Variants in LPP observed in about 807,000 individuals in gnomAD.
The protein encoded by LPP is lipoma-preferred partner.
A neutral mutation model predicts 60.4 loss-of-function variants in LPP; 38 were observed. The ratio of observed to expected loss-of-function variants is 0.63; its 90% CI spans 0.49 to 0.83. The LOEUF is 0.83. LPP is among the 40% of genes least tolerant of loss of function. LPP has a pLI of 0.00. For missense variants in LPP, 902 were observed against 783.6 expected (o/e 1.15, Z -1.80); for synonymous variants, 328 against 290.8 (o/e 1.13, Z -1.30).
At chr3:188,485,632 C>T (rs1309391074) in intron 5 of LPP, among the ~76,000 whole-genome samples, 1 of 150,764 alleles carries the variant, frequency 6.6e-6, no homozygotes, top group Non-Finnish European at 1.5e-5. Flanking sequence ...CCCGTCTCTA[C>T]TAAAAATACA....
At chr3:188,755,809 C>CAAAAAAAAAA (rs58696911) in intron 8 of LPP, among the ~76,000 whole-genome samples, 6 of 73,986 alleles carry the variant, frequency 8.1e-5, no homozygotes, top group South Asian at 4.3e-4. Flanking sequence ...GATCCTGTCA[C>CAAAAAAAAAA]AAAAAAAAAA....
intron 7 of LPP, among the ~76,000 whole-genome samples, chr3:188,623,164 T>C (rs976294324): frequency 6.6e-6 from 1 of 151,866 alleles, no homozygotes; most frequent in African/African-American, 2.4e-5. Flanking sequence ...CTCTTAAGTG[T>C]AAATGCTAGG....
intron 8 of LPP, among the ~76,000 whole-genome samples, chr3:188,735,064 C>T (rs1449167908): frequency 6.6e-6 from 1 of 152,198 alleles, no homozygotes; most frequent in Non-Finnish European, 1.5e-5. Flanking sequence ...CATAGCTCAA[C>T]TGATCTATAC....
At chr3:188,497,691 T>C (rs966304622) in intron 5 of LPP, among the ~76,000 whole-genome samples, 26 of 152,160 alleles carry the variant, frequency 1.7e-4, no homozygotes, top group African/African-American at 6.3e-4. Context: ...GAACAGAAAA[T>C]ACAGCAACCA....
chr3:188,268,508 T>A (rs2149765594), intron 2 of LPP, among the ~76,000 whole-genome samples: 1 of 152,366 alleles, frequency 6.6e-6, no homozygotes, highest in East Asian at 1.9e-4. Context: ...CTGGACTGGT[T>A]ACAGCTTGGT....
At chr3:188,843,918 C>T (rs761016260) in intron 9 of LPP, among the ~76,000 whole-genome samples, 2 of 151,968 alleles carry the variant, frequency 1.3e-5, no homozygotes, top group Non-Finnish European at 2.9e-5. Flanking sequence ...TCCTCTTCCT[C>T]TCTCACACTC....
At chr3:188,582,815 T>A (rs1836554912) in intron 6 of LPP, among the ~76,000 whole-genome samples, 1 of 152,228 alleles carries the variant, frequency 6.6e-6, no homozygotes. Context: ...GCCAGAAGTT[T>A]AGGTATTATT....
intron 6 of LPP, among the ~76,000 whole-genome samples, chr3:188,556,752 G>A (rs138553555): frequency 6.9e-6 from 1 of 145,368 alleles, no homozygotes; most frequent in East Asian, 2.2e-4. Flanking sequence ...TGCAAGGGTT[G>A]GCACTTTTGG....
chr3:188,306,689 G>A (rs980110088), intron 2 of LPP, among the ~76,000 whole-genome samples: 1 of 152,194 alleles, frequency 6.6e-6, no homozygotes, highest in Non-Finnish European at 1.5e-5. Flanking sequence ...GGTGGGGAAT[G>A]GGAGGTGCTC....
chr3:188,555,226 TC>T (rs1419862295), intron 6 of LPP, among the ~76,000 whole-genome samples: 2 of 151,952 alleles, frequency 1.3e-5, no homozygotes. Flanking sequence ...AGCCAAGTGA[TC>T]CCAAGGAAGT....
intron 3 of LPP, among the ~76,000 whole-genome samples, chr3:188,359,309 C>T (rs570842023): frequency 6.6e-6 from 1 of 152,116 alleles, no homozygotes; most frequent in South Asian, 2.1e-4. Context: ...GAGCTGCAGC[C>T]CCTCTGACGA....
At chr3:188,645,731 A>G (rs73056750) in intron 7 of LPP, among the ~76,000 whole-genome samples, 2,217 of 152,182 alleles carry the variant, frequency 0.015, 60 homozygotes, top group African/African-American at 0.051. Flanking sequence ...TAGTGCATTT[A>G]TAAGAAAATT....
chr3:188,712,997 G>A (rs4472045), intron 8 of LPP, among the ~76,000 whole-genome samples: 8,703 of 151,870 alleles, frequency 0.057, 313 homozygotes, highest in Non-Finnish European at 0.086. Context: ...TATAATTATC[G>A]TATGCTTAAA....
chr3:188,250,434 A>G lies in LPP; in HGVS notation c.-67+24907A>G, dbSNP rs140014611. On this transcript the variant is annotated intron_variant, in intron 2 of 11. Coordinates refer to ENST00000617246, the MANE Select transcript of LPP (RefSeq NM_001375462.1). ...TCATTGGGGATGTTAATTTTGAGCA[A>G]CTGATCAAGGCATTGTCCAGTTTCT... Among the ~76,000 whole-genome samples, 821 of 152,318 alleles carry G rather than the reference A, an allele frequency of 5.4e-3. 5 individuals carry two copies. Among genetic ancestry groups the G allele is most frequent in the Non-Finnish European group, 8.7e-3 (593 of 68,028 alleles).
chr3:188,236,443 GGGACATGCC>G (rs997648530), intron 2 of LPP, among the ~76,000 whole-genome samples: 45 of 152,250 alleles, frequency 3.0e-4, no homozygotes, highest in African/African-American at 1.1e-3. Flanking sequence ...AAGCATGCTG[GGGACATGCC>G]GGAAAAGTGA....
At chr3:188,382,334 C>T (rs1446529546) in intron 3 of LPP, among the ~76,000 whole-genome samples, 1 of 152,128 alleles carries the variant, frequency 6.6e-6, no homozygotes, top group Non-Finnish European at 1.5e-5. Flanking sequence ...ATCAGTAGAC[C>T]TGTGCATTGA....
intron 9 of LPP, among the ~76,000 whole-genome samples, chr3:188,775,419 A>G (rs558315824): frequency 6.6e-6 from 1 of 152,310 alleles, no homozygotes; most frequent in Admixed American, 6.5e-5. Flanking sequence ...CTAGACATTC[A>G]GTAGGGCCTG....
chr3:188,263,744 C>G (rs75460807), intron 2 of LPP, among the ~76,000 whole-genome samples: 2,953 of 152,348 alleles, frequency 0.019, 45 homozygotes, highest in South Asian at 0.032. Flanking sequence ...AAGTACCTTT[C>G]TAACCCATCA....
chr3:188,634,380 G>T (rs1393858831), intron 7 of LPP, among the ~76,000 whole-genome samples: 1 of 152,210 alleles, frequency 6.6e-6, no homozygotes, highest in African/African-American at 2.4e-5. Context: ...AGTGACAGAA[G>T]AAATAGATGA....
Sources: allele counts gnomAD v4.1 joint callset (sites outside exome capture counted in the v4.1 genomes callset), GRCh38; gene constraint gnomAD v4.1.1; transcripts MANE v1.5; gene names NCBI Gene and HGNC (gene_info 2026-07-23, HGNC 2026-07-21).